The following DST variants were observed in gnomAD, a reference collection of about 807,000 sequenced individuals.
DST encodes dystonin.
DST carries 253 observed loss-of-function variants against 875.2 expected under a neutral mutation model. The observed-to-expected ratio is 0.29, with a 90% CI of 0.26 to 0.32. The LOEUF (loss-of-function observed/expected upper bound fraction) is 0.32, where lower values mean the gene tolerates loss of function less well. Ranked by LOEUF, DST falls within the 10% of genes least tolerant of loss-of-function variation. The pLI is 1.00. For synonymous variants in DST, 3,124 were observed against 3,197.1 expected (o/e 0.98, Z 0.77); for missense variants, 8,287 against 9,111.6 (o/e 0.91, Z 3.68).
At chr6:56,786,766 G>A (rs1318259770) in intron 4 of DST, among the ~76,000 whole-genome samples, 5 of 151,992 alleles carry the variant, frequency 3.3e-5, no homozygotes, top group Non-Finnish European at 5.9e-5. Flanking sequence ...CAGGTGATCT[G>A]CCTGCCTCAG....
At chr6:56,953,569 C>G (rs1823479073) in intron 2 of DST, among the ~76,000 whole-genome samples, 1 of 152,182 alleles carries the variant, frequency 6.6e-6, no homozygotes, top group African/African-American at 2.4e-5. Context: ...GCCTTTTCCC[C>G]TCTTGTACAA....
chr6:56,703,376 A>G (rs759124002), intron 7 of DST, among the ~76,000 whole-genome samples: 1 of 152,210 alleles, frequency 6.6e-6, no homozygotes, highest in Non-Finnish European at 1.5e-5. Context: ...TTTAACTAAA[A>G]TGCCATCATG....
intron 4 of DST, among the ~76,000 whole-genome samples, chr6:56,755,232 A>G (rs910585666): frequency 1.3e-5 from 2 of 152,080 alleles, no homozygotes; most frequent in African/African-American, 2.4e-5. Context: ...AACCCTGAGT[A>G]CTTGTAACAG....
intron 10 of DST, among the ~76,000 whole-genome samples, chr6:56,660,080 G>A (rs1440031847): frequency 6.6e-6 from 1 of 152,202 alleles, no homozygotes; most frequent in Non-Finnish European, 1.5e-5. Context: ...GTGGTGGGAG[G>A]AGGTGCTGTG....
chr6:56,706,740 C>T (rs1277726786), intron 5 of DST, among the ~76,000 whole-genome samples: 1 of 152,154 alleles, frequency 6.6e-6, no homozygotes, highest in Non-Finnish European at 1.5e-5. Context: ...GTGGCTCATA[C>T]CTGTAATCCC....
intron 3 of DST, among the ~76,000 whole-genome samples, chr6:56,877,809 G>A (rs1780208390): frequency 6.6e-6 from 1 of 152,286 alleles, no homozygotes; most frequent in Admixed American, 6.5e-5. Context: ...ATACCAGTCT[G>A]AGAACTGTTT....
intron 9 of DST, among the ~76,000 whole-genome samples, chr6:56,685,676 G>A (rs947221592): frequency 4.6e-5 from 7 of 152,138 alleles, no homozygotes; most frequent in Non-Finnish European, 8.8e-5. Flanking sequence ...TGAGGCTGAG[G>A]CAGGAGAATC....
intron 5 of DST, among the ~76,000 whole-genome samples, chr6:56,728,827 T>A (rs1237434936): frequency 6.6e-6 from 1 of 152,138 alleles, no homozygotes; most frequent in Non-Finnish European, 1.5e-5. Context: ...GACATTAAAA[T>A]ATTATACCAA....
chr6:56,947,147 G>A (rs893207436), intron 2 of DST, among the ~76,000 whole-genome samples: 2 of 151,984 alleles, frequency 1.3e-5, no homozygotes, highest in African/African-American at 4.8e-5. Context: ...CTCTGCAGCA[G>A]AGGCCATAAC....
intron 49 of DST, among the ~76,000 whole-genome samples, chr6:56,589,865 T>A (rs574750365): frequency 6.6e-6 from 1 of 152,354 alleles, no homozygotes; most frequent in East Asian, 1.9e-4. Flanking sequence ...AATGAACAAA[T>A]TGGATGCCCC....
At chr6:56,510,876 T>C (rs1381050490) in intron 73 of DST, among the ~76,000 whole-genome samples, 1 of 152,056 alleles carries the variant, frequency 6.6e-6, no homozygotes, top group African/African-American at 2.4e-5. Flanking sequence ...TTATAACACT[T>C]TCCTTTATCT....
intron 87 of DST, 70 bp downstream of exon 87, chr6:56,487,034 G>A (rs533739890): frequency 7.4e-5 from 109 of 1,474,060 alleles, no homozygotes; most frequent in African/African-American, 8.3e-5. Context: ...AAATGTCCCC[G>A]CAAAGCACCA....
intron 64 of DST, 111 bp from the exon 65 acceptor site, chr6:56,530,244 C>A: frequency 2.6e-6 from 2 of 771,638 alleles, no homozygotes; most frequent in Non-Finnish European, 3.7e-6. Flanking sequence ...TAGAAACTAT[C>A]TAAGGTTACA....
At chr6:56,582,873 A>G (rs2098047309) in intron 49 of DST, among the ~76,000 whole-genome samples, 1 of 151,754 alleles carries the variant, frequency 6.6e-6, no homozygotes, top group Non-Finnish European at 1.5e-5. Context: ...GTGATAGTTT[A>G]CTGAGAATGA....
chr6:56,699,539 A>C, intron 9 of DST, 114 bp downstream of exon 9: 1 of 588,416 alleles, frequency 1.7e-6, no homozygotes, highest in Admixed American at 3.8e-5. Flanking sequence ...TACTTAAAGA[A>C]AGAAGCTTGA....
In DST at chr6:56,529,440, C is replaced by A; in HGVS notation, c.17595+8G>T. ...AAAAATAAGATAAAATAAAATAAAT[C>A]AAAATACCCGAAGTTCAGACTGCTG... On this transcript the variant is annotated splice_region_variant and intron_variant, in intron 66 of 103. Coordinates refer to ENST00000680361, the MANE Select transcript of DST (RefSeq NM_001374736.1). 18 of 1,448,730 alleles carry A rather than the reference C, an allele frequency of 1.2e-5. No homozygotes were observed. Among genetic ancestry groups the A allele is most frequent in the South Asian group, 7.0e-5 (4 of 57,174 alleles). 89.7% of individuals were successfully genotyped at this position (1,448,730 alleles called of 1,614,324 possible).
rs772384020 is a variant in DST, at chr6:56,552,870, T to A, written c.15922A>T (p.Ser5308Cys). The change falls in exon 61 of 104, where the codon AGT (serine) becomes TGT (cysteine). Residue 5308 changes from serine to cysteine, a missense_variant. Ser to Cys is a moderately radical substitution (Grantham distance 112, BLOSUM62 -1). Around this residue, in one of 10 missense-constraint regions of DST, gnomAD observed 1,513 missense variants for 1,677.8 expected, o/e 0.90. Coordinates refer to ENST00000680361, the MANE Select transcript of DST (RefSeq NM_001374736.1). ...IHDSLGSQAY[S>C]NKYLTMLQTQ... ...TGCAACATGGTCAGGTATTTGTTAC[T>A]GTAAGCCTGGGATCCCAGCGAATCA... The A allele has an allele frequency of 6.2e-7, 1 of 1,613,946 alleles. No homozygotes were observed.
At chr6:56,693,479 T>C (rs1484821058) in intron 9 of DST, 2 of 856,136 alleles carry the variant, frequency 2.3e-6, no homozygotes, top group Non-Finnish European at 2.8e-6. Context: ...TATGAGAAGA[T>C]TATGACTGTT....
At position 56,604,764 on chromosome 6, in the gene DST, A is replaced by C. The variant is rs1351517125; in HGVS notation, c.9864T>G (p.Phe3288Leu). Residue 3288 changes from phenylalanine to leucine, a missense_variant, in exon 40 of 104, where the codon TTT becomes TTG. Phe to Leu is a conservative substitution (Grantham distance 22). Around this residue, in one of 10 missense-constraint regions of DST, gnomAD observed 3,138 missense variants for 3,116.6 expected, o/e 1.01. Transcript: ENST00000680361. ...CATTTGCACACCGCTCCGACTGCAG[A>C]AAATCATTTTTCCCAACATCTTCTA... ...KHVEDVGKND[F>L]LQSERCANGL... The C allele has an allele frequency of 2.5e-6, 4 of 1,612,784 alleles. No homozygotes were observed. In the African/African-American group the frequency reaches 5.3e-5, roughly 22 times the overall value.
Sources: allele counts gnomAD v4.1 joint callset (sites outside exome capture counted in the v4.1 genomes callset), GRCh38; gene constraint gnomAD v4.1.1; regional missense constraint gnomAD v4.1.1; transcripts MANE v1.5; gene names NCBI Gene and HGNC (gene_info 2026-07-23, HGNC 2026-07-21).